CTNND2: variants seen among roughly 807,000 people sequenced by gnomAD.
CTNND2 encodes catenin delta-2.
A neutral mutation model predicts 144.4 loss-of-function variants in CTNND2; 22 were observed. That is an observed-to-expected ratio of 0.15 (90% CI 0.11 to 0.22). CTNND2 has a LOEUF of 0.22. CTNND2 is among the 10% of genes least tolerant of loss of function. The pLI is 1.00. For synonymous variants in CTNND2, 751 were observed against 695.6 expected (o/e 1.08, Z -1.25); for missense variants, 1,353 against 1,618.8 (o/e 0.84, Z 2.82).
At chr5:11,570,358 C>A (rs1279060406) in intron 2 of CTNND2, among the ~76,000 whole-genome samples, 1 of 152,164 alleles carries the variant, frequency 6.6e-6, no homozygotes. Flanking sequence ...CTTCTTCATT[C>A]TCCTACTTTA....
chr5:11,194,050 G>C (rs1736609974), intron 11 of CTNND2, among the ~76,000 whole-genome samples: 1 of 152,310 alleles, frequency 6.6e-6, no homozygotes, highest in Non-Finnish European at 1.5e-5. Context: ...TAATGGAATA[G>C]AGAAGAGAAT....
At chr5:11,665,683 TTCTC>T (rs565743133) in intron 2 of CTNND2, among the ~76,000 whole-genome samples, 49 of 152,218 alleles carry the variant, frequency 3.2e-4, no homozygotes, top group Non-Finnish European at 1.2e-4. Flanking sequence ...CTTGCTCTTC[TTCTC>T]TCTATCTTAA....
chr5:11,296,748 C>G (rs1037019534), intron 9 of CTNND2, among the ~76,000 whole-genome samples: 1 of 152,126 alleles, frequency 6.6e-6, no homozygotes, highest in African/African-American at 2.4e-5. Flanking sequence ...AAAGCAAACT[C>G]TGCATGTTCT....
rs564209657 is a variant in CTNND2 at position 11,117,055 on chromosome 5, C to T, written c.2277+395G>A. The stretch of plus-strand genomic sequence containing the variant: ...GGGTGACAGAGCCTGGGTGACAGAG[C>T]GAGACTCTGTCTCAAAAAATAAAAA... On this transcript the variant is annotated intron_variant, in intron 13 of 21. Coordinates refer to ENST00000304623, the MANE Select transcript of CTNND2 (RefSeq NM_001332.4). 6.3e-4 allele frequency among the ~76,000 whole-genome samples: 94 copies of T among 149,590 alleles called. 1 individual carries two copies. Among genetic ancestry groups the T allele is most frequent in the African/African-American group, 2.2e-3 (90 of 40,376 alleles).
intron 1 of CTNND2, among the ~76,000 whole-genome samples, chr5:11,853,457 T>G (rs1795109179): frequency 6.6e-6 from 1 of 152,194 alleles, no homozygotes; most frequent in Non-Finnish European, 1.5e-5. Context: ...ACATTCACTT[T>G]CTTGGAGATC....
At chr5:11,170,675 G>T (rs895411804) in intron 11 of CTNND2, among the ~76,000 whole-genome samples, 2 of 152,072 alleles carry the variant, frequency 1.3e-5, no homozygotes, top group African/African-American at 4.8e-5. Flanking sequence ...AAACCCAATT[G>T]TTCATCTATT....
chr5:11,783,635 T>C lies in CTNND2; in HGVS notation c.38-51363A>G, dbSNP rs559957803. On this transcript the variant is annotated intron_variant, in intron 1 of 21. Coordinates refer to ENST00000304623, the MANE Select transcript of CTNND2 (RefSeq NM_001332.4). ...AAGAGCTGCCAAGATGAAATAATAATGCATATTTGACAGTGGCCAGTGGAG... is the reference window on the plus strand; with the variant it reads ...AAGAGCTGCCAAGATGAAATAATAACGCATATTTGACAGTGGCCAGTGGAG... Among the ~76,000 whole-genome samples the C allele has an allele frequency of 2.6e-5, 4 of 152,160 alleles. No individual in the cohort carries two copies. In the South Asian group the frequency reaches 8.3e-4, roughly 32 times the overall value.
chr5:11,288,994 C>A (rs1748035653), intron 9 of CTNND2, among the ~76,000 whole-genome samples: 1 of 152,146 alleles, frequency 6.6e-6, no homozygotes, highest in Admixed American at 6.5e-5. Context: ...AGCCCCTCAG[C>A]ATATAGAATC....
At chr5:11,361,090 G>T (rs983689684) in intron 8 of CTNND2, among the ~76,000 whole-genome samples, 1 of 152,120 alleles carries the variant, frequency 6.6e-6, no homozygotes, top group Non-Finnish European at 1.5e-5. Flanking sequence ...GCGCGATCCT[G>T]GCTCAGCGCA....
At chr5:11,610,913 A>T (rs1372179945) in intron 2 of CTNND2, among the ~76,000 whole-genome samples, 1 of 152,360 alleles carries the variant, frequency 6.6e-6, no homozygotes, top group East Asian at 1.9e-4. Flanking sequence ...AAGCTTAGAA[A>T]TAGATGGTAA....
At chr5:11,749,841 TATTC>T (rs1479028099) in intron 1 of CTNND2, among the ~76,000 whole-genome samples, 1 of 152,026 alleles carries the variant, frequency 6.6e-6, no homozygotes, top group African/African-American at 2.4e-5. Flanking sequence ...GATCTAATCT[TATTC>T]ATTTACTATA....
chr5:11,861,941 C>G (rs1795524143), intron 1 of CTNND2, among the ~76,000 whole-genome samples: 1 of 152,166 alleles, frequency 6.6e-6, no homozygotes, highest in South Asian at 2.1e-4. Context: ...CAAATGATGT[C>G]TTCTCAATGT....
At chr5:11,060,073 A>G (rs1746784505) in intron 16 of CTNND2, among the ~76,000 whole-genome samples, 1 of 152,170 alleles carries the variant, frequency 6.6e-6, no homozygotes, top group African/African-American at 2.4e-5. Context: ...GCCTCCCTGC[A>G]GGCTATTCTC....
rs138824088 is a variant in CTNND2, at chr5:11,739,754, T to C, written c.38-7482A>G. 4.7e-4 allele frequency among the ~76,000 whole-genome samples: 72 copies of C among 152,278 alleles called. 1 individual carries two copies. The East Asian group carries it at 0.012, about 25-fold the overall frequency. On this transcript the variant is annotated intron_variant, in intron 1 of 21. Transcript: ENST00000304623. ...ATTAGGAAAAGAAGAAGTCAAATTG[T>C]ACCTGTTTCCAGATAGCATGATTGT...
chr5:11,107,519 G>C (rs1290653722), intron 14 of CTNND2, among the ~76,000 whole-genome samples: 2 of 152,218 alleles, frequency 1.3e-5, no homozygotes, highest in Non-Finnish European at 2.9e-5. Context: ...CTTGTAGGTG[G>C]TGGGATTTCA....
At chr5:11,297,110 C>T (rs1749106119) in intron 9 of CTNND2, among the ~76,000 whole-genome samples, 1 of 152,180 alleles carries the variant, frequency 6.6e-6, no homozygotes, top group Non-Finnish European at 1.5e-5. Flanking sequence ...GCAAGAAAGT[C>T]AGCCCAGTAT....
intron 1 of CTNND2, among the ~76,000 whole-genome samples, chr5:11,791,267 C>T (rs890109982): frequency 1.3e-5 from 2 of 152,162 alleles, no homozygotes; most frequent in African/African-American, 4.8e-5. Context: ...TACTTTGTTA[C>T]AGCAGCCTGC....
At chr5:11,073,101 A>C (rs1391193436) in intron 16 of CTNND2, among the ~76,000 whole-genome samples, 1 of 152,262 alleles carries the variant, frequency 6.6e-6, no homozygotes, top group Non-Finnish European at 1.5e-5. Context: ...TCATCTTTAA[A>C]CGTTTAAACT....
chr5:11,024,886 A>T (rs912216962), intron 16 of CTNND2, among the ~76,000 whole-genome samples: 1 of 152,212 alleles, frequency 6.6e-6, no homozygotes, highest in Non-Finnish European at 1.5e-5. Flanking sequence ...ATAGATAATA[A>T]GTAGATGGCA....
Sources: gnomAD v4.1 joint callset for allele counts (sites outside exome capture counted in the v4.1 genomes callset) on GRCh38, gnomAD v4.1.1 for gene constraint, MANE v1.5 for transcripts, NCBI Gene and HGNC (gene_info 2026-07-23, HGNC 2026-07-21) for gene names.